ROBO1: variants seen among roughly 807,000 people sequenced by gnomAD.
ROBO1 encodes the protein roundabout homolog 1.
Under a neutral mutation model 195.9 loss-of-function variants are expected in ROBO1, and 149 were observed. The observed-to-expected ratio is 0.76, with a 90% CI of 0.67 to 0.87. ROBO1 has a LOEUF of 0.87. Ranked by LOEUF, ROBO1 falls within the 40% of genes least tolerant of loss-of-function variation. The pLI, the probability that ROBO1 is intolerant of heterozygous loss-of-function variation, is 0.00. For missense variants in ROBO1, 1,933 were observed against 2,068.3 expected (o/e 0.93, Z 1.27); for synonymous variants, 816 against 733.2 (o/e 1.11, Z -1.82).
chr3:78,740,859 A>G (rs897573852), intron 5 of ROBO1, among the ~76,000 whole-genome samples: 11 of 152,196 alleles, frequency 7.2e-5, no homozygotes. Flanking sequence ...GCAACATTCA[A>G]TAAACATATC....
chr3:79,732,728 T>A (rs956013500), intron 1 of ROBO1, among the ~76,000 whole-genome samples: 1 of 152,222 alleles, frequency 6.6e-6, no homozygotes, highest in Non-Finnish European at 1.5e-5. Context: ...TTTGACTTTC[T>A]TGACACTATG....
intron 3 of ROBO1, among the ~76,000 whole-genome samples, chr3:79,048,316 C>A (rs1382038874): frequency 6.6e-6 from 1 of 152,058 alleles, no homozygotes; most frequent in African/African-American, 2.4e-5. Flanking sequence ...GATTTTTAAA[C>A]CTCAGTTCCA....
At chr3:78,762,161 T>C (rs866232457) in intron 4 of ROBO1, among the ~76,000 whole-genome samples, 1 of 152,058 alleles carries the variant, frequency 6.6e-6, no homozygotes, top group Non-Finnish European at 1.5e-5. Context: ...AAGACAGATA[T>C]CTTTAGGTAA....
intron 2 of ROBO1, among the ~76,000 whole-genome samples, chr3:79,247,835 G>A (rs896023777): frequency 1.3e-5 from 2 of 152,056 alleles, no homozygotes; most frequent in African/African-American, 4.8e-5. Flanking sequence ...TGAGGCAGAA[G>A]GACTTATTTA....
At chr3:79,141,773 C>A (rs922012178) in intron 2 of ROBO1, among the ~76,000 whole-genome samples, 9 of 151,960 alleles carry the variant, frequency 5.9e-5, no homozygotes, top group Non-Finnish European at 1.2e-4. Context: ...TGGCTCACAG[C>A]CTTTGGACAT....
At chr3:78,616,385 T>A (rs1704112538) in intron 27 of ROBO1, among the ~76,000 whole-genome samples, 1 of 152,292 alleles carries the variant, frequency 6.6e-6, no homozygotes, top group Non-Finnish European at 1.5e-5. Context: ...AAAAACCATA[T>A]TTGATTGAAT....
At chr3:79,516,068 C>T (rs2107558705) in intron 2 of ROBO1, among the ~76,000 whole-genome samples, 1 of 152,128 alleles carries the variant, frequency 6.6e-6, no homozygotes, top group Non-Finnish European at 1.5e-5. Flanking sequence ...TTAACAGATC[C>T]TTCGCTTTCC....
intron 4 of ROBO1, among the ~76,000 whole-genome samples, chr3:78,868,966 G>C (rs2035360271): frequency 6.6e-6 from 1 of 152,096 alleles, no homozygotes; most frequent in Non-Finnish European, 1.5e-5. Context: ...TGCAAAAAGT[G>C]ATGTTAAACA....
At position 79,649,232 on chromosome 3, in the gene ROBO1, C is replaced by A. The variant is rs893177323; in HGVS notation, c.-50-59271G>T. Among the ~76,000 whole-genome samples, 4 of 151,982 alleles carry A rather than the reference C, an allele frequency of 2.6e-5. No individual in the cohort carries two copies. In the South Asian group the frequency reaches 6.2e-4, roughly 24 times the overall value. On this transcript the variant is annotated intron_variant, in intron 1 of 30. Transcript: ENST00000464233. ...ATATTTTAGCGGGCAAGAAATAAAA[C>A]CCCAAAGGAAGGTAGAAGTAAACAA...
intron 4 of ROBO1, among the ~76,000 whole-genome samples, chr3:78,849,644 A>G (rs2033910647): frequency 6.6e-6 from 1 of 151,740 alleles, no homozygotes. Context: ...ACATCATATC[A>G]TTTTCCTTTT....
intron 2 of ROBO1, among the ~76,000 whole-genome samples, chr3:79,381,730 T>G (rs2036582041): frequency 6.6e-6 from 1 of 152,018 alleles, no homozygotes; most frequent in African/African-American, 2.4e-5. Context: ...CTTTGAAACT[T>G]TATTAGTTTT....
intron 2 of ROBO1, among the ~76,000 whole-genome samples, chr3:79,474,433 C>T (rs1239578687): frequency 1.3e-5 from 2 of 152,012 alleles, no homozygotes; most frequent in Non-Finnish European, 2.9e-5. Context: ...GCCTCAGTTC[C>T]TTCCTTTTTA....
At chr3:78,910,177 CAATATATA>C (rs2038161287) in intron 4 of ROBO1, among the ~76,000 whole-genome samples, 1 of 151,680 alleles carries the variant, frequency 6.6e-6, no homozygotes, top group Non-Finnish European at 1.5e-5. Context: ...GAATAATCTT[CAATATATA>C]AAATACTTAG....
chr3:79,741,834 G>C (rs1192013513), intron 1 of ROBO1, among the ~76,000 whole-genome samples: 1 of 152,186 alleles, frequency 6.6e-6, no homozygotes, highest in Non-Finnish European at 1.5e-5. Flanking sequence ...ATGGAAATTA[G>C]GAACTTGCTT....
chr3:78,675,573 GC>G (rs1413200002), intron 10 of ROBO1, among the ~76,000 whole-genome samples: 1 of 152,164 alleles, frequency 6.6e-6, no homozygotes, highest in Non-Finnish European at 1.5e-5. Flanking sequence ...TGTTAGCACA[GC>G]AGTCTGAGAT....
intron 4 of ROBO1, among the ~76,000 whole-genome samples, chr3:78,791,571 G>A (rs1206072444): frequency 1.3e-5 from 2 of 152,008 alleles, no homozygotes; most frequent in African/African-American, 2.4e-5. Flanking sequence ...ATGCATTCTG[G>A]TATTACATTA....
At chr3:79,397,236 T>C (rs1314531972) in intron 2 of ROBO1, among the ~76,000 whole-genome samples, 1 of 150,534 alleles carries the variant, frequency 6.6e-6, no homozygotes, top group Non-Finnish European at 1.5e-5. Flanking sequence ...ATACACTTAA[T>C]AATCATATAT....
intron 2 of ROBO1, among the ~76,000 whole-genome samples, chr3:79,162,016 G>C (rs773023881): frequency 6.6e-6 from 1 of 152,048 alleles, no homozygotes; most frequent in Non-Finnish European, 1.5e-5. Flanking sequence ...AAATTTAGTT[G>C]AGTAATTTCT....
intron 2 of ROBO1, among the ~76,000 whole-genome samples, chr3:79,395,164 A>G (rs2037096692): frequency 6.6e-6 from 1 of 151,924 alleles, no homozygotes; most frequent in Non-Finnish European, 1.5e-5. Context: ...TCCACTAAAA[A>G]TACAAAAAAT....
Sources: gnomAD v4.1 joint callset for allele counts (sites outside exome capture counted in the v4.1 genomes callset) on GRCh38, gnomAD v4.1.1 for gene constraint, MANE v1.5 for transcripts, NCBI Gene and HGNC (gene_info 2026-07-23, HGNC 2026-07-21) for gene names.